P2RY2: variants seen among roughly 807,000 people sequenced by gnomAD.
P2RY2 encodes the protein P2Y purinoceptor 2.
For synonymous variants in P2RY2, 241 were observed against 231.9 expected (o/e 1.04, Z -0.35); for missense variants, 567 against 515.7 (o/e 1.10, Z -0.96).
chr11:73,222,279 T>C (rs1452944311), intron 1 of P2RY2, among the ~76,000 whole-genome samples: 1 of 152,064 alleles, frequency 6.6e-6, no homozygotes, highest in Non-Finnish European at 1.5e-5. Context: ...CAGCCCTGGC[T>C]TGTAGGAGGG....
chr11:73,226,067 T>C (rs1460793997), intron 1 of P2RY2, among the ~76,000 whole-genome samples: 1 of 152,156 alleles, frequency 6.6e-6, no homozygotes, highest in Non-Finnish European at 1.5e-5. Context: ...AGGCTGCTGC[T>C]GTGGACTGTG....
intron 2 of P2RY2, among the ~76,000 whole-genome samples, chr11:73,230,855 C>A (rs899524313): frequency 7.8e-6 from 1 of 128,308 alleles, no homozygotes; most frequent in African/African-American, 3.0e-5. Flanking sequence ...AGGGTAGGAG[C>A]GGCAGGAGGA....
At chr11:73,225,968 T>C (rs990161672) in intron 1 of P2RY2, among the ~76,000 whole-genome samples, 2 of 152,122 alleles carry the variant, frequency 1.3e-5, no homozygotes, top group African/African-American at 4.8e-5. Context: ...CAACAATGTA[T>C]GGTAGGATTC....
In P2RY2 at chr11:73,240,822, C is replaced by T. The variant is rs1862759147; in HGVS notation, c.*5529C>T. On this transcript the variant is annotated 3_prime_UTR_variant, in exon 3 of 3. Transcript: ENST00000393597. ...TGGAGAGGTGCAGCTCATGCTCTGA[C>T]CTTGGAGTGAGCCCAGTGCAGGGGC... 1 of 152,298 alleles carries T rather than the reference C, an allele frequency of 6.6e-6. No homozygotes were observed. The highest frequency in any genetic ancestry group is 1.5e-5 in the Non-Finnish European group (1 of 68,110). The allele number at this position is 152,298 out of a possible 1,614,324, so 9.4% of individuals were successfully genotyped here.
chr11:73,234,991 T>G lies in P2RY2; in HGVS notation c.832T>G (p.Cys278Gly), dbSNP rs1469561489. The change falls in exon 3 of 3, where the codon TGC becomes GGC. Residue 278 changes from cysteine (C) to glycine (G), a missense_variant. Physicochemically the swap from Cys to Gly is radical, Grantham distance 159. Transcript: ENST00000393597. ...CTCCTTCCGCTCGCTGGACCTCAGC[T>G]GCCACACCCTCAACGCCATCAACAT... Reference protein sequence around the residue: ...YYSFRSLDLSCHTLNAINMAY... With the variant: ...YYSFRSLDLSGHTLNAINMAY... The G allele has an allele frequency of 6.2e-7, 1 of 1,609,630 alleles. No homozygotes were observed. The highest frequency in any genetic ancestry group is 1.1e-5 in the South Asian group (1 of 91,082).
intron 1 of P2RY2, among the ~76,000 whole-genome samples, chr11:73,221,625 C>A (rs1003207735): frequency 6.6e-6 from 1 of 152,202 alleles, no homozygotes; most frequent in African/African-American, 2.4e-5. Flanking sequence ...TCCACCCAAA[C>A]CGCCTCTCCC....
Position 73,235,351 on chromosome 11 carries a change from T to C in P2RY2, c.*58T>C. ...TTGGGAAGCTGTAGAGGACCAGGAC[T>C]TGTGCAGACGCCACAGTCTCCCCAG... On this transcript the variant is annotated 3_prime_UTR_variant, in exon 3 of 3. Coordinates refer to ENST00000393597, the MANE Select transcript of P2RY2 (RefSeq NM_002564.4). 1 of 1,509,364 alleles carries C rather than the reference T, an allele frequency of 6.6e-7. No homozygotes were observed. Among genetic ancestry groups the C allele is most frequent in the Non-Finnish European group, 8.9e-7 (1 of 1,129,096 alleles). 93.5% of individuals were successfully genotyped at this position (1,509,364 alleles called of 1,614,324 possible).
chr11:73,230,714 G>A (rs936053307), intron 2 of P2RY2, among the ~76,000 whole-genome samples: 3 of 152,124 alleles, frequency 2.0e-5, no homozygotes, highest in Non-Finnish European at 4.4e-5. Context: ...AGCAACTAAG[G>A]CTGGGAGGGG....
At chr11:73,223,620 C>A (rs1862186301) in intron 1 of P2RY2, among the ~76,000 whole-genome samples, 1 of 152,218 alleles carries the variant, frequency 6.6e-6, no homozygotes, top group African/African-American at 2.4e-5. Flanking sequence ...CTGACTTCAC[C>A]AAGACTGCAC....
intron 2 of P2RY2, among the ~76,000 whole-genome samples, chr11:73,233,593 G>A (rs1292263669): frequency 2.0e-5 from 3 of 152,256 alleles, no homozygotes; most frequent in African/African-American, 7.2e-5. Flanking sequence ...CTGATCCTGA[G>A]GTTCTAGAGA....
intron 2 of P2RY2, among the ~76,000 whole-genome samples, chr11:73,233,317 C>T (rs1462843378): frequency 1.3e-5 from 2 of 152,198 alleles, no homozygotes; most frequent in East Asian, 1.9e-4. Flanking sequence ...GAAGGAGACC[C>T]TTGGAAATAC....
rs182479278 is a variant in P2RY2 at position 73,228,875 on chromosome 11, A to G, written c.-5+700A>G. ...CAATTCCTATTCAGGTCCATCCCAC[A>G]GTGGAAGTGGCTGCAGGAGGTAGGT... is the stretch of plus-strand genomic sequence containing the variant. On this transcript the variant is annotated intron_variant, in intron 2 of 2. Transcript: ENST00000393597. Among the ~76,000 whole-genome samples the G allele has an allele frequency of 5.4e-4, 83 of 152,310 alleles. 1 individual carries two copies. The East Asian group carries it at 0.013, about 24-fold the overall frequency.
At chr11:73,231,344 G>A (rs1405055428) in intron 2 of P2RY2, among the ~76,000 whole-genome samples, 2 of 147,494 alleles carry the variant, frequency 1.4e-5, no homozygotes, top group South Asian at 2.1e-4. Flanking sequence ...TCAGGAATTC[G>A]AGACCAATGT....
At position 73,238,348 on chromosome 11, in the gene P2RY2, C is replaced by T. The variant is rs1194804653; in HGVS notation, c.*3055C>T. On this transcript the variant is annotated 3_prime_UTR_variant, in exon 3 of 3. Transcript: ENST00000393597. ...GAACTGCATGACATCAGGGCAGGGT[C>T]CCTGGCACACAGGGGTCTCTGCCCT... 6.6e-6 allele frequency among the ~76,000 whole-genome samples: 1 copy of T among 152,196 alleles called. No individual in the cohort carries two copies. The highest frequency in any genetic ancestry group is 1.5e-5 in the Non-Finnish European group (1 of 68,026).
At chr11:73,233,039 A>G (rs1862505106) in intron 2 of P2RY2, among the ~76,000 whole-genome samples, 1 of 152,206 alleles carries the variant, frequency 6.6e-6, no homozygotes, top group East Asian at 1.9e-4. Context: ...TTATATGCTC[A>G]GTGGGGACAA....
At chr11:73,233,888 T>C (rs1258336193) in intron 2 of P2RY2, 3 of 511,570 alleles carry the variant, frequency 5.9e-6, no homozygotes, top group East Asian at 6.5e-5. Flanking sequence ...ATGGGCACCG[T>C]TGTGTTCCAA....
intron 1 of P2RY2, among the ~76,000 whole-genome samples, chr11:73,220,033 T>C (rs558344311): frequency 8.9e-4 from 135 of 152,316 alleles, no homozygotes; most frequent in African/African-American, 3.1e-3. Context: ...CTGGGTCTTA[T>C]TATTTCTGTG....
At chr11:73,230,628 C>A (rs1486124515) in intron 2 of P2RY2, among the ~76,000 whole-genome samples, 1 of 152,096 alleles carries the variant, frequency 6.6e-6, no homozygotes, top group Non-Finnish European at 1.5e-5. Context: ...GGGTTCTCTG[C>A]ACTGAGGGAT....
chr11:73,234,489 C>A lies in P2RY2; in HGVS notation c.330C>A (p.Arg110=). The A allele has an allele frequency of 6.2e-7, 1 of 1,614,090 alleles. No homozygotes were observed. Among genetic ancestry groups the A allele is most frequent in the Non-Finnish European group, 8.5e-7 (1 of 1,179,982 alleles). Residue 110 remains arginine, a synonymous_variant, in exon 3 of 3, where the codon CGC becomes CGA. Transcript: ENST00000393597. ...PFSTVLCKLV[R]FLFYTNLYCS... ...GCACGGTGCTCTGCAAGCTGGTGCG[C>A]TTCCTCTTCTACACCAACCTTTACT...
Sources: gnomAD v4.1 joint callset for allele counts (sites outside exome capture counted in the v4.1 genomes callset) on GRCh38, gnomAD v4.1.1 for gene constraint, MANE v1.5 for transcripts, NCBI Gene and HGNC (gene_info 2026-07-23, HGNC 2026-07-21) for gene names.